Variants in ZNF519 observed in about 807,000 individuals in gnomAD.
ZNF519 encodes the protein similar to Zinc finger protein 85 (Zinc finger protein HPF4) (HTF1).
In ZNF519, 7 loss-of-function variants were observed where a neutral mutation model predicts 7.4. The ratio of observed to expected loss-of-function variants is 0.94; its 90% CI spans 0.54 to 1.77. The LOEUF is 1.77. Among genes scored for constraint, ZNF519 ranks in the 40% most tolerant of loss-of-function variants. The pLI is 0.00. For missense variants in ZNF519, 586 were observed against 623.1 expected (o/e 0.94, Z 0.63); for synonymous variants, 179 against 203.3 (o/e 0.88, Z 1.02).
chr18:14,104,969 G>T lies in ZNF519; in HGVS notation c.1571C>A (p.Ala524Asp), dbSNP rs1209973114. The change falls in exon 3 of 3, where the codon GCT (alanine) becomes GAT (aspartate). Residue 524 changes from alanine to aspartate, a missense_variant. Physicochemically the swap from Ala to Asp is moderately radical, Grantham distance 126 (BLOSUM62 -2). Transcript: ENST00000590202. ...AGTAAGGGTTGAGCGTCTGTTAAAA[G>T]CTTTGCCACATTCTTTACATTTGAA... is the stretch of plus-strand genomic sequence containing the variant. ...KPFKCKECGK[A>D]FNRRSTLTQH... The T allele has an allele frequency of 6.3e-7, 1 of 1,594,180 alleles. No individual in the cohort carries two copies. The highest frequency in any genetic ancestry group is 2.2e-5 in the East Asian group (1 of 44,798).
At chr18:14,112,751 T>C (rs985420491) in intron 2 of ZNF519, among the ~76,000 whole-genome samples, 1 of 152,144 alleles carries the variant, frequency 6.6e-6, no homozygotes, top group African/African-American at 2.4e-5. Flanking sequence ...ATGAACACTA[T>C]AAAACATTGA....
intron 2 of ZNF519, among the ~76,000 whole-genome samples, chr18:14,120,956 GGT>G (rs148411038): frequency 3.3e-5 from 5 of 151,316 alleles, no homozygotes; most frequent in Non-Finnish European, 4.4e-5. Flanking sequence ...GACAAAATAT[GGT>G]GTGTGTGTGT....
rs1281948710 is a variant in ZNF519 at position 14,105,695 on chromosome 18, T to C, written c.845A>G (p.His282Arg). 6.2e-7 allele frequency: 1 copy of C among 1,613,674 alleles called. No individual in the cohort carries two copies. Among genetic ancestry groups the C allele is most frequent in the South Asian group, 1.1e-5 (1 of 91,008 alleles). The change falls in exon 3 of 3, where the codon CAT (histidine) becomes CGT (arginine). Residue 282 changes from histidine (H) to arginine (R), a missense_variant. Coordinates refer to ENST00000590202, the MANE Select transcript of ZNF519 (RefSeq NM_145287.4). ...KAFTRGLHLG[H>R]QKIHTGEKPY... is the part of the protein sequence containing the mutation. ...TTTCTCTCCAGTATGAATTTTCTGA[T>C]GTCCAAGATGTAAGCCCCTGGTAAA...
In ZNF519 at chr18:14,103,548, A is replaced by G. The variant is rs571823345; in HGVS notation, c.*1369T>C. On this transcript the variant is annotated 3_prime_UTR_variant, in exon 3 of 3. Coordinates refer to ENST00000590202, the MANE Select transcript of ZNF519 (RefSeq NM_145287.4). Reference sequence around the variant, plus strand: ...TGCAGCAAACTGTTCAGAGAAATTCATAGCAGTAAACACCTACATTAAAAA... The same window carrying G: ...TGCAGCAAACTGTTCAGAGAAATTCGTAGCAGTAAACACCTACATTAAAAA... The G allele has an allele frequency of 6.6e-6, 1 of 152,272 alleles. No individual in the cohort carries two copies. The highest frequency in any genetic ancestry group is 1.9e-4 in the East Asian group (1 of 5,188). 9.4% of individuals were successfully genotyped at this position (152,272 alleles called of 1,614,324 possible). A position where few individuals can be genotyped will look rare whatever the true frequency, so the allele number is the denominator to read the frequency against.
chr18:14,077,482 A>G (rs1598505625), exon 5 of ZNF519: 1 of 152,300 alleles, frequency 6.6e-6, no homozygotes, highest in East Asian at 1.9e-4. Context: ...TGGGTTCGAG[A>G]TCTTGTGACA....
intron 2 of ZNF519, among the ~76,000 whole-genome samples, chr18:14,110,755 T>C (rs986525450): frequency 9.2e-5 from 14 of 152,306 alleles, no homozygotes; most frequent in Middle Eastern, 3.4e-3. Context: ...GCAACTTGGA[T>C]GGAGCTGAAG....
chr18:14,083,650 T>G (rs1450940583), intron 3 of ZNF519, among the ~76,000 whole-genome samples: 1 of 152,138 alleles, frequency 6.6e-6, no homozygotes, highest in East Asian at 1.9e-4. Context: ...AGGCTCACAC[T>G]TGTAACCCCA....
chr18:14,128,380 T>C (rs1183252602), intron 1 of ZNF519, among the ~76,000 whole-genome samples: 1 of 152,080 alleles, frequency 6.6e-6, no homozygotes, highest in Non-Finnish European at 1.5e-5. Flanking sequence ...GTGATGTGCA[T>C]CACAGGCAAT....
At chr18:14,077,034 C>G (rs2046050379) in exon 5 of ZNF519, 1 of 152,078 alleles carries the variant, frequency 6.6e-6, no homozygotes, top group Non-Finnish European at 1.5e-5. Context: ...TCTACTAATC[C>G]TGAAAATGTC....
intron 2 of ZNF519, chr18:14,122,352 G>A (rs746329320): frequency 2.6e-5 from 4 of 152,112 alleles, no homozygotes; most frequent in Non-Finnish European, 5.9e-5. Flanking sequence ...ATTATTAAGC[G>A]GAAAAGATGC....
intron 2 of ZNF519, among the ~76,000 whole-genome samples, chr18:14,093,670 ACATT>A (rs1336434088): frequency 6.6e-6 from 1 of 152,240 alleles, no homozygotes; most frequent in Non-Finnish European, 1.5e-5. Context: ...TGGCTGAATA[ACATT>A]CATGGACAGA....
At chr18:14,091,794 T>C (rs1273087786) in intron 2 of ZNF519, among the ~76,000 whole-genome samples, 1 of 151,840 alleles carries the variant, frequency 6.6e-6, no homozygotes, top group Non-Finnish European at 1.5e-5. Context: ...GTAAAAAATA[T>C]TGAGGATCAC....
At chr18:14,098,793 T>C (rs895408219), downstream of ZNF519, among the ~76,000 whole-genome samples, 3 of 152,170 alleles carry the variant, frequency 2.0e-5, no homozygotes, top group East Asian at 1.9e-4. Context: ...CCGATGACAT[T>C]TGTTAATATC....
chr18:14,115,411 T>C, intron 2 of ZNF519, among the ~76,000 whole-genome samples: 1 of 152,158 alleles, frequency 6.6e-6, no homozygotes, highest in East Asian at 1.9e-4. Flanking sequence ...TCCTAAAAAT[T>C]ATATCAGAAC....
At chr18:14,107,525 G>A (rs2046199335) in intron 2 of ZNF519, among the ~76,000 whole-genome samples, 1 of 152,154 alleles carries the variant, frequency 6.6e-6, no homozygotes, top group South Asian at 2.1e-4. Flanking sequence ...GTGGCTACAG[G>A]GAGTCACTGA....
At chr18:14,089,804 T>C (rs1879929928) in intron 2 of ZNF519, 1 of 152,172 alleles carries the variant, frequency 6.6e-6, no homozygotes, top group Non-Finnish European at 1.5e-5. Context: ...GTAATGGAGA[T>C]AGGCCTATTT....
At chr18:14,114,281 T>A (rs1377445933) in intron 2 of ZNF519, among the ~76,000 whole-genome samples, 1 of 152,188 alleles carries the variant, frequency 6.6e-6, no homozygotes, top group Non-Finnish European at 1.5e-5. Context: ...GGGTCTTAGT[T>A]AAGTCTCTAA....
rs976941186 is a variant in ZNF519, at chr18:14,100,841, A to G, written c.*4076T>C. ...GTAGGTTAATTCTATTACTGTCAATATCTTAGTTTTGATATTTTTATAATC... is the reference window on the plus strand; with the variant it reads ...GTAGGTTAATTCTATTACTGTCAATGTCTTAGTTTTGATATTTTTATAATC... On this transcript the variant is annotated 3_prime_UTR_variant, in exon 3 of 3. Coordinates refer to ENST00000590202, the MANE Select transcript of ZNF519 (RefSeq NM_145287.4). 1 of 152,198 alleles carries G rather than the reference A, an allele frequency of 6.6e-6. No individual in the cohort carries two copies. Among genetic ancestry groups the G allele is most frequent in the Non-Finnish European group, 1.5e-5 (1 of 68,038 alleles). 9.4% of individuals were successfully genotyped at this position (152,198 alleles called of 1,614,324 possible).
rs2013217362 is a variant in ZNF519 at position 14,102,850 on chromosome 18, T to C, written c.*2067A>G. On this transcript the variant is annotated 3_prime_UTR_variant, in exon 3 of 3. Transcript: ENST00000590202. ...ATAGTGGTAATATTTTATATCTCAT[T>C]GGAATTAATATAAATATAAAGCAGA... The C allele has an allele frequency of 2.0e-5, 3 of 151,994 alleles. No homozygotes were observed. Among genetic ancestry groups the C allele is most frequent in the Admixed American group, 2.0e-4 (3 of 15,258 alleles). 9.4% of individuals were successfully genotyped at this position (151,994 alleles called of 1,614,324 possible). A position where few individuals can be genotyped will look rare whatever the true frequency, so the allele number is the denominator to read the frequency against.
Sources: gnomAD v4.1 joint callset for allele counts (sites outside exome capture counted in the v4.1 genomes callset) on GRCh38, gnomAD v4.1.1 for gene constraint, MANE v1.5 for transcripts, NCBI Gene and HGNC (gene_info 2026-07-23, HGNC 2026-07-21) for gene names.